Variants in AGL observed in about 807,000 individuals in gnomAD.
The protein encoded by AGL is amylo-alpha-1,6-glucosidase and 4-alpha-glucanotransferase.
AGL carries 128 observed loss-of-function variants against 199.3 expected under a neutral mutation model. The observed-to-expected ratio is 0.64, with a 90% confidence interval of 0.56 to 0.74. The LOEUF (loss-of-function observed/expected upper bound fraction) is 0.74, where lower values mean the gene tolerates loss of function less well. AGL is among the 30% of genes least tolerant of loss of function. The pLI is 0.00. For missense variants in AGL, 1,809 were observed against 1,820.8 expected (o/e 0.99, Z 0.12); for synonymous variants, 584 against 594.7 (o/e 0.98, Z 0.26).
chr1:99,894,870 G>C (rs1442327471), intron 24 of AGL, among the ~76,000 whole-genome samples: 1 of 152,126 alleles, frequency 6.6e-6, no homozygotes. Context: ...AGGTAGATGA[G>C]GTTTCTACTC....
chr1:99,875,372 T>C lies in AGL; in HGVS notation c.1200T>C (p.Leu400=), dbSNP rs1651434860. Residue 400 remains leucine (L), a synonymous_variant, in exon 10 of 34, where the codon CTT becomes CTC. Coordinates refer to ENST00000361915, the MANE Select transcript of AGL (RefSeq NM_000642.3). ...NYHQEQAVNC[L]LGNVFYERLA... is the part of the protein sequence containing the mutation. ...ATGTTTTTCAGGCAGTTAATTGCCT[T>C]TTGGGAAATGTGTTTTATGAACGAC... 1.2e-6 allele frequency: 2 copies of C among 1,614,006 alleles called. No individual in the cohort carries two copies. Among genetic ancestry groups the C allele is most frequent in the East Asian group, 4.5e-5 (2 of 44,878 alleles).
intron 28 of AGL, among the ~76,000 whole-genome samples, chr1:99,911,322 A>G (rs1381244767): frequency 6.6e-6 from 1 of 152,236 alleles, no homozygotes; most frequent in African/African-American, 2.4e-5. Flanking sequence ...ATACATCATC[A>G]TAAGCTATTA....
intron 2 of AGL, among the ~76,000 whole-genome samples, chr1:99,859,610 C>A (rs891182830): frequency 6.6e-6 from 1 of 151,988 alleles, no homozygotes; most frequent in Admixed American, 6.6e-5. Flanking sequence ...TGCAGTGGTG[C>A]GATCCTAGCT....
Position 99,888,049 on chromosome 1 carries a change from A to G in AGL, c.2753A>G (p.Asp918Gly). ...LYRCESEEKEDGGGCYDIPNW... is the reference protein window; with the variant it reads ...LYRCESEEKEGGGGCYDIPNW... ...CGATGTGAATCAGAAGAAAAGGAAG[A>G]TGGTGGAGGGTGCTATGACATACCA... Residue 918 changes from aspartate to glycine, a missense_variant, in exon 21 of 34, where the codon GAT (aspartate) becomes GGT (glycine). Transcript: ENST00000361915. 1 of 1,613,572 alleles carries G rather than the reference A, an allele frequency of 6.2e-7. No homozygotes were observed. The highest frequency in any genetic ancestry group is 1.1e-5 in the South Asian group (1 of 91,078).
At chr1:99,862,919 A>G (rs145140819) in intron 4 of AGL, among the ~76,000 whole-genome samples, 113 of 151,658 alleles carry the variant, frequency 7.5e-4, no homozygotes, top group African/African-American at 2.7e-3. Flanking sequence ...TTATTTAGTA[A>G]TATAAGTAGA....
chr1:99,873,224 T>A (rs1202177938), intron 7 of AGL, among the ~76,000 whole-genome samples: 1 of 152,144 alleles, frequency 6.6e-6, no homozygotes, highest in Non-Finnish European at 1.5e-5. Flanking sequence ...TTTGTATTTT[T>A]AAAATTATAT....
intron 24 of AGL, among the ~76,000 whole-genome samples, chr1:99,895,269 C>T (rs535436535): frequency 2.3e-4 from 35 of 152,026 alleles, no homozygotes; most frequent in Admixed American, 1.9e-3. Context: ...AGGATGGTCT[C>T]GAATTCCTGA....
At chr1:99,862,612 G>A (rs929617374) in intron 4 of AGL, among the ~76,000 whole-genome samples, 189 bp downstream of exon 4, 1 of 152,170 alleles carries the variant, frequency 6.6e-6, no homozygotes, top group Non-Finnish European at 1.5e-5. Flanking sequence ...AAGCATGGCT[G>A]GGGAGGCCTC....
In AGL at chr1:99,900,753, T is replaced by TTTCCCTTTAGCTC; in HGVS notation, c.3480_3481insTTCCCTTTAGCTC (p.Ile1161PhefsTer10). ...ATGCTGTGTGGTGGTGGCTGCAGTG[T>TTTCCCTTTAGCTC]ATCCAGGATTACTGTAAAATGGTTC... On this transcript the variant is annotated frameshift_variant, in exon 26 of 34. Transcript: ENST00000361915. LOFTEE classifies it high-confidence loss of function. 1 of 1,614,156 alleles carries TTTCCCTTTAGCTC rather than the reference T, an allele frequency of 6.2e-7. No individual in the cohort carries two copies. Among genetic ancestry groups the TTTCCCTTTAGCTC allele is most frequent in the Admixed American group, 1.7e-5 (1 of 60,030 alleles).
intron 8 of AGL, 30 bp downstream of exon 8, chr1:99,874,840 A>T (rs1465719857): frequency 6.2e-7 from 1 of 1,608,474 alleles, no homozygotes; most frequent in South Asian, 1.1e-5. Context: ...CTGTGAAATA[A>T]TAATATTACT....
chr1:99,908,550 A>G (rs1654499490), intron 27 of AGL, among the ~76,000 whole-genome samples: 1 of 152,216 alleles, frequency 6.6e-6, no homozygotes, highest in Non-Finnish European at 1.5e-5. Context: ...ACAAAGCATC[A>G]TTCTCTTTGG....
intron 11 of AGL, among the ~76,000 whole-genome samples, chr1:99,876,984 A>T (rs1651598684): frequency 6.6e-6 from 1 of 152,180 alleles, no homozygotes; most frequent in African/African-American, 2.4e-5. Flanking sequence ...AGGTATTAAG[A>T]ATTTCAGTGG....
intron 25 of AGL, among the ~76,000 whole-genome samples, chr1:99,898,536 A>G (rs1292957330): frequency 6.6e-6 from 1 of 152,194 alleles, no homozygotes; most frequent in Non-Finnish European, 1.5e-5. Flanking sequence ...TTGTTAGGGT[A>G]GTGCTAGCTG....
At chr1:99,880,870 A>G (rs938753989) in intron 14 of AGL, 75 bp downstream of exon 14, 32 of 1,510,346 alleles carry the variant, frequency 2.1e-5, no homozygotes, top group African/African-American at 6.9e-5. Context: ...CTTGGTCACA[A>G]TCATACCCAT....
At chr1:99,884,759 G>A in intron 20 of AGL, 56 bp downstream of exon 20, 1 of 1,602,550 alleles carries the variant, frequency 6.2e-7, no homozygotes, top group Non-Finnish European at 8.5e-7. Context: ...GTTACCACTA[G>A]ACTGAATTAA....
At chr1:99,892,127 A>G (rs549709551) in intron 23 of AGL, among the ~76,000 whole-genome samples, 4 of 152,212 alleles carry the variant, frequency 2.6e-5, no homozygotes, top group African/African-American at 9.6e-5. Context: ...GAATTTCCCT[A>G]AAATGAAACC....
rs768235596 is a variant in AGL, at chr1:99,915,353, T to C, written c.4162-36T>C. ...GGTAGGAACTAATTCTTCTGTGATC[T>C]TAAAAATTTGTATATTTGTTTTTGG... On this transcript the variant is annotated intron_variant, in intron 30 of 33. Transcript: ENST00000361915. 9.8e-6 allele frequency: 15 copies of C among 1,525,944 alleles called. No individual in the cohort carries two copies. The South Asian group carries it at 1.5e-4, about 15-fold the overall frequency. 94.5% of individuals were successfully genotyped at this position (1,525,944 alleles called of 1,614,324 possible). A position where few individuals can be genotyped will look rare whatever the true frequency, so the allele number is the denominator to read the frequency against.
rs150146360 is a variant in AGL at position 99,862,304 on chromosome 1, G to A, written c.341G>A (p.Arg114His). The change falls in exon 4 of 34, where the codon CGT becomes CAT. Residue 114 changes from arginine (R) to histidine (H), a missense_variant. Arg to His is a conservative substitution (Grantham distance 29, BLOSUM62 0). Transcript: ENST00000361915. ...TACATAGTTGTGGACCCCATTTTAC[G>A]TGTTGGTGCTGATAATCATGTGCTA... is the stretch of plus-strand genomic sequence containing the variant. ...GGYIVVDPIL[R>H]VGADNHVLPL... is the part of the protein sequence containing the mutation. The A allele has an allele frequency of 5.4e-5, 87 of 1,613,980 alleles. No homozygotes were observed. The highest frequency in any genetic ancestry group is 2.4e-4 in the African/African-American group (18 of 74,992).
chr1:99,861,180 G>A, intron 2 of AGL: 3 of 1,202,300 alleles, frequency 2.5e-6, no homozygotes, highest in Non-Finnish European at 3.1e-6. Context: ...TAATTCAGGG[G>A]TGAGGATGGG....
Sources: allele counts gnomAD v4.1 joint callset (sites outside exome capture counted in the v4.1 genomes callset), GRCh38; gene constraint gnomAD v4.1.1; transcripts MANE v1.5; gene names NCBI Gene and HGNC (gene_info 2026-07-23, HGNC 2026-07-21).